ZPBP: variants seen among roughly 807,000 people sequenced by gnomAD.
The protein encoded by ZPBP is zona pellucida binding protein.
A neutral mutation model predicts 44.8 loss-of-function variants in ZPBP; 26 were observed. The observed-to-expected ratio is 0.58, with a 90% CI of 0.43 to 0.81. The LOEUF (loss-of-function observed/expected upper bound fraction) is 0.81. Ranked by LOEUF, ZPBP falls within the 30% of genes least tolerant of loss-of-function variation. ZPBP has a pLI of 0.00. For missense variants in ZPBP, 409 were observed against 434.0 expected, an observed-to-expected ratio of 0.94 and a Z score of 0.51; for synonymous variants, 174 against 153.2, an observed-to-expected ratio of 1.14 and a Z score of -1.00.
chr7:50,065,888 T>C (rs1801478738), intron 3 of ZPBP, among the ~76,000 whole-genome samples: 1 of 151,096 alleles, frequency 6.6e-6, no homozygotes, highest in Non-Finnish European at 1.5e-5. Flanking sequence ...CTTGTAACAG[T>C]GCTGTCTGTC....
chr7:49,958,590 C>T (rs1030099952), intron 7 of ZPBP, among the ~76,000 whole-genome samples: 20 of 152,162 alleles, frequency 1.3e-4, no homozygotes, highest in Admixed American at 9.8e-4. Context: ...CCTCATCAGA[C>T]GCCAGACCCT....
At chr7:49,842,083 G>A in the ZPBP span, among the ~76,000 whole-genome samples, 1 of 152,092 alleles carries the variant, frequency 6.6e-6, no homozygotes, top group Non-Finnish European at 1.5e-5. Context: ...GCCCAGGCTG[G>A]TCTTGAACTC....
the ZPBP span, among the ~76,000 whole-genome samples, chr7:49,844,891 C>G: frequency 3.9e-5 from 6 of 152,056 alleles, no homozygotes; most frequent in Non-Finnish European, 5.9e-5. Flanking sequence ...CCATGTTGGC[C>G]AGGCTAGTCT....
intron 3 of ZPBP, among the ~76,000 whole-genome samples, chr7:50,077,457 C>A (rs1255775856): frequency 6.6e-6 from 1 of 151,674 alleles, no homozygotes; most frequent in South Asian, 2.1e-4. Flanking sequence ...AGTGAAGAGA[C>A]AATCCACAAA....
At chr7:49,944,797 T>C (rs1362704630) in intron 7 of ZPBP, among the ~76,000 whole-genome samples, 1 of 151,980 alleles carries the variant, frequency 6.6e-6, no homozygotes, top group East Asian at 1.9e-4. Context: ...TGATTTTGTT[T>C]ATCTTTTTTA....
At chr7:49,938,360 T>C (rs949422588) in intron 7 of ZPBP, among the ~76,000 whole-genome samples, 2 of 152,142 alleles carry the variant, frequency 1.3e-5, no homozygotes, top group Non-Finnish European at 2.9e-5. Flanking sequence ...GATAATGAAA[T>C]CATGAATTTG....
chr7:49,988,536 CAATTAAGGTTGTTATGCTAAGTTATTATA>C (rs961258845), intron 6 of ZPBP, among the ~76,000 whole-genome samples: 2 of 152,090 alleles, frequency 1.3e-5, no homozygotes, highest in African/African-American at 2.4e-5. Context: ...CTATCAATCA[CAATTAAGGTTGTTATGCTAAGTTATTATA>C]AACCACAGAG....
At chr7:50,081,957 T>A in intron 2 of ZPBP, 58 bp from the exon 3 acceptor site, 1 of 1,579,224 alleles carries the variant, frequency 6.3e-7, no homozygotes, top group Non-Finnish European at 8.6e-7. Context: ...TCTTTCTCTA[T>A]AATGTACACT....
chr7:49,874,180 CCA>C (rs139144140), intron 2 of ZPBP, among the ~76,000 whole-genome samples: 25 of 149,268 alleles, frequency 1.7e-4, no homozygotes, highest in East Asian at 5.8e-4. Flanking sequence ...ATGCACACAC[CCA>C]CACACACACA....
intron 7 of ZPBP, among the ~76,000 whole-genome samples, chr7:49,956,687 T>G (rs1254775803): frequency 6.6e-6 from 1 of 152,146 alleles, no homozygotes; most frequent in African/African-American, 2.4e-5. Context: ...TCTAAAGATT[T>G]AATATAGTAA....
rs554180375 is a variant in ZPBP at position 49,945,066 on chromosome 7, A to G, written c.962-7444T>C. 1.6e-3 allele frequency among the ~76,000 whole-genome samples: 244 copies of G among 152,246 alleles called. 1 individual carries two copies. Among genetic ancestry groups the G allele is most frequent in the Middle Eastern group, 3.4e-3 (1 of 294 alleles). On this transcript the variant is annotated intron_variant, in intron 7 of 7. Transcript: ENST00000046087. ...GGTTTCCATTTTCATTTGTTTCAAGACATTTTAAAATTTCCTTCTTAATTT... is the reference window on the plus strand; with the variant it reads ...GGTTTCCATTTTCATTTGTTTCAAGGCATTTTAAAATTTCCTTCTTAATTT...
intron 5 of ZPBP, among the ~76,000 whole-genome samples, chr7:50,024,749 G>A (rs543188999): frequency 6.6e-6 from 1 of 151,926 alleles, no homozygotes; most frequent in South Asian, 2.1e-4. Flanking sequence ...GAGATCTGAT[G>A]TTCTGATGTA....
intron 3 of ZPBP, among the ~76,000 whole-genome samples, chr7:50,077,133 G>A (rs932876341): frequency 6.6e-6 from 1 of 151,752 alleles, no homozygotes. Context: ...ACAGTGCCAA[G>A]GACATACTCT....
the ZPBP span, among the ~76,000 whole-genome samples, chr7:49,842,631 CT>C: frequency 6.6e-6 from 1 of 152,136 alleles, no homozygotes; most frequent in African/African-American, 2.4e-5. Flanking sequence ...CAGGAATTGT[CT>C]GTATACTTGC....
At chr7:49,982,566 AG>A (rs1797076498) in intron 7 of ZPBP, among the ~76,000 whole-genome samples, 1 of 151,218 alleles carries the variant, frequency 6.6e-6, no homozygotes, top group African/African-American at 2.4e-5. Context: ...AGCAAAAGGA[AG>A]ACCCTCACTG....
intron 3 of ZPBP, among the ~76,000 whole-genome samples, chr7:50,068,761 T>C (rs1251278223): frequency 6.6e-6 from 1 of 152,204 alleles, no homozygotes; most frequent in Non-Finnish European, 1.5e-5. Context: ...ATGCCTGGTA[T>C]CTCCTTGGTC....
At chr7:50,003,589 A>G in intron 6 of ZPBP, among the ~76,000 whole-genome samples, 1 of 152,162 alleles carries the variant, frequency 6.6e-6, no homozygotes, top group East Asian at 1.9e-4. Flanking sequence ...TGGAGAGCTG[A>G]TGGAAAGAGT....
At chr7:50,034,883 G>C (rs1298036393) in intron 4 of ZPBP, among the ~76,000 whole-genome samples, 1 of 152,232 alleles carries the variant, frequency 6.6e-6, no homozygotes, top group Non-Finnish European at 1.5e-5. Flanking sequence ...AACTAAAGCT[G>C]TAAAAGGGGG....
downstream of ZPBP, among the ~76,000 whole-genome samples, chr7:49,845,721 T>G (rs1789926320): frequency 6.6e-6 from 1 of 152,144 alleles, no homozygotes; most frequent in Non-Finnish European, 1.5e-5. Context: ...GTAACAAAAT[T>G]AAACCCAAGA....
Sources: allele counts gnomAD v4.1 joint callset (sites outside exome capture counted in the v4.1 genomes callset), GRCh38; gene constraint gnomAD v4.1.1; transcripts MANE v1.5; gene names NCBI Gene and HGNC (gene_info 2026-07-23, HGNC 2026-07-21).